PRKN: variants seen among roughly 807,000 people sequenced by gnomAD.
PRKN encodes E3 ubiquitin-protein ligase parkin.
PRKN carries 56 observed loss-of-function variants against 59.5 expected under a neutral mutation model. The ratio of observed to expected loss-of-function variants is 0.94; its 90% CI spans 0.76 to 1.18. The LOEUF (loss-of-function observed/expected upper bound fraction) is 1.18, where lower values mean the gene tolerates loss of function less well. Ranked by LOEUF, PRKN falls within the 50% of genes most tolerant of loss-of-function variation. PRKN has a pLI of 0.00. For synonymous variants in PRKN, 250 were observed against 222.1 expected (o/e 1.13, Z -1.12); for missense variants, 657 against 596.4 (o/e 1.10, Z -1.06).
intron 9 of PRKN, among the ~76,000 whole-genome samples, chr6:161,516,028 C>T (rs1421651850): frequency 6.6e-6 from 1 of 152,142 alleles, no homozygotes; most frequent in Non-Finnish European, 1.5e-5. Flanking sequence ...TAAAAATAAC[C>T]ATCAAGCTGG....
rs528984416 is a variant in PRKN, at chr6:161,451,707, G to A, written c.1084-64830C>T. ...ATATTAGAAAGGCCATCCAGGATGC[G>A]TCATTTGCAAGCTTGGGTGGACAGG... is the stretch of plus-strand genomic sequence containing the variant. On this transcript the variant is annotated intron_variant, in intron 9 of 11. Transcript: ENST00000366898. This position sits in a 1 kb window ranked among gnomAD's most constrained non-coding sequence, Gnocchi z 5.9. Among the ~76,000 whole-genome samples, 5 of 152,288 alleles carry A rather than the reference G, an allele frequency of 3.3e-5. No homozygotes were observed. The highest frequency in any genetic ancestry group is 1.3e-4 in the Admixed American group (2 of 15,298).
At chr6:162,617,804 T>C (rs756231692) in intron 1 of PRKN, among the ~76,000 whole-genome samples, 1 of 152,120 alleles carries the variant, frequency 6.6e-6, no homozygotes, top group Non-Finnish European at 1.5e-5. Context: ...ACCATAGTAA[T>C]AACTAACAAG....
intron 9 of PRKN, among the ~76,000 whole-genome samples, chr6:161,452,789 T>A (rs895521284): frequency 2.0e-5 from 3 of 152,044 alleles, no homozygotes. Flanking sequence ...CTATTTATAG[T>A]TGCCATAGTG....
intron 7 of PRKN, among the ~76,000 whole-genome samples, chr6:161,605,709 C>T (rs1261280246): frequency 6.6e-6 from 1 of 152,060 alleles, no homozygotes; most frequent in Non-Finnish European, 1.5e-5. Flanking sequence ...GGGGTTTCCC[C>T]ACGTTGGCCA....
intron 7 of PRKN, among the ~76,000 whole-genome samples, chr6:161,662,885 T>C (rs1403089931): frequency 1.3e-5 from 2 of 152,122 alleles, no homozygotes; most frequent in African/African-American, 4.8e-5. Context: ...AGGATATTGA[T>C]ATGGTTTGGA....
At chr6:161,676,145 G>A (rs577958827) in intron 7 of PRKN, among the ~76,000 whole-genome samples, 1 of 152,290 alleles carries the variant, frequency 6.6e-6, no homozygotes, top group Admixed American at 6.5e-5. Flanking sequence ...CTGCACTCTG[G>A]TGCCACTAGA....
Position 162,020,359 on chromosome 6 carries a change from CAG to C in PRKN, c.618+33730_618+33731del, listed in dbSNP as rs1383408293. Among the ~76,000 whole-genome samples, 5 of 65,698 alleles carry C rather than the reference CAG, an allele frequency of 7.6e-5. No individual in the cohort carries two copies. In the East Asian group the frequency reaches 2.1e-3, roughly 28 times the overall value. The allele number at this position is 65,698 out of a possible 152,430, so 43.1% of individuals were successfully genotyped here. ...AAAAAAAAAAAAAAAAAAAAAAAAA[CAG>C]ATAAAAACAAAGAAACATACAAATG... is the stretch of plus-strand genomic sequence containing the variant. On this transcript the variant is annotated intron_variant, in intron 5 of 11. Coordinates refer to ENST00000366898, the MANE Select transcript of PRKN (RefSeq NM_004562.3).
At chr6:162,280,912 G>A (rs1370929069) in intron 2 of PRKN, among the ~76,000 whole-genome samples, 2 of 151,756 alleles carry the variant, frequency 1.3e-5, no homozygotes, top group Non-Finnish European at 2.9e-5. Context: ...GAATGCAGGA[G>A]CTGTTCACAT....
At chr6:162,481,563 A>AT (rs1419409170) in intron 1 of PRKN, among the ~76,000 whole-genome samples, 9 of 152,190 alleles carry the variant, frequency 5.9e-5, no homozygotes, top group African/African-American at 2.2e-4. Context: ...AACCAGCATG[A>AT]TATTTGGCAT....
intron 4 of PRKN, among the ~76,000 whole-genome samples, chr6:162,117,374 AG>A: frequency 6.6e-6 from 1 of 152,226 alleles, no homozygotes; most frequent in Non-Finnish European, 1.5e-5. Context: ...GCCTAAGCCT[AG>A]GGGAGGCTTA....
At chr6:161,632,448 C>T (rs1318786954) in intron 7 of PRKN, among the ~76,000 whole-genome samples, 1 of 152,184 alleles carries the variant, frequency 6.6e-6, no homozygotes, top group African/African-American at 2.4e-5. Flanking sequence ...GGTGAAATTG[C>T]ATCTTGATTC....
intron 1 of PRKN, among the ~76,000 whole-genome samples, chr6:162,692,574 C>T (rs894598024): frequency 3.3e-5 from 5 of 151,346 alleles, no homozygotes; most frequent in African/African-American, 1.2e-4. Context: ...AGACAGACCC[C>T]CCCCAACAAA....
chr6:161,826,182 G>A (rs1792236769), intron 6 of PRKN, among the ~76,000 whole-genome samples: 1 of 152,144 alleles, frequency 6.6e-6, no homozygotes, highest in Non-Finnish European at 1.5e-5. Flanking sequence ...AAACATGTCA[G>A]TACGGATGAC....
chr6:162,469,492 A>ATGTGTATG (rs1791615024), intron 1 of PRKN, among the ~76,000 whole-genome samples: 1 of 146,742 alleles, frequency 6.8e-6, no homozygotes, highest in Non-Finnish European at 1.5e-5. Flanking sequence ...AAACTGTGGT[A>ATGTGTATG]TGTGTGTGTG....
chr6:162,441,771 C>T (rs1790065445), intron 2 of PRKN, among the ~76,000 whole-genome samples: 2 of 152,152 alleles, frequency 1.3e-5, no homozygotes, highest in African/African-American at 2.4e-5. Context: ...TAAATCAACA[C>T]ATGTCTTAGG....
intron 9 of PRKN, among the ~76,000 whole-genome samples, chr6:161,511,761 C>T (rs985564452): frequency 2.0e-5 from 3 of 151,756 alleles, no homozygotes; most frequent in African/African-American, 7.3e-5. Context: ...TGAAAAAGAA[C>T]GATCCAGACT....
chr6:161,689,182 T>G (rs1046886851), intron 7 of PRKN, among the ~76,000 whole-genome samples: 1 of 136,716 alleles, frequency 7.3e-6, no homozygotes, highest in Admixed American at 8.0e-5. Context: ...GAGAATTAAA[T>G]TGTACACACA....
At chr6:162,529,640 G>A (rs1351104202) in intron 1 of PRKN, among the ~76,000 whole-genome samples, 1 of 152,136 alleles carries the variant, frequency 6.6e-6, no homozygotes, top group Non-Finnish European at 1.5e-5. Context: ...TCAGGCAGCA[G>A]TGAGGCCAGA....
intron 5 of PRKN, among the ~76,000 whole-genome samples, chr6:162,036,226 C>T (rs1028306848): frequency 1.3e-5 from 2 of 151,000 alleles, no homozygotes; most frequent in Non-Finnish European, 3.0e-5. Context: ...CGGGAGGCTG[C>T]GGCAGGAGAA....
Sources: allele counts gnomAD v4.1 joint callset (sites outside exome capture counted in the v4.1 genomes callset), GRCh38; gene constraint gnomAD v4.1.1; non-coding constraint Gnocchi (gnomAD v3.1); transcripts MANE v1.5; gene names NCBI Gene and HGNC (gene_info 2026-07-23, HGNC 2026-07-21).